SGCZ: variants seen among roughly 807,000 people sequenced by gnomAD.
SGCZ encodes sarcoglycan zeta.
A neutral mutation model predicts 41.3 loss-of-function variants in SGCZ; 40 were observed. That is an observed-to-expected ratio of 0.97 (90% CI 0.75 to 1.26). The LOEUF (loss-of-function observed/expected upper bound fraction) is 1.26, where lower values mean the gene tolerates loss of function less well. Ranked by LOEUF, SGCZ falls within the 50% of genes most tolerant of loss-of-function variation. The probability of loss-of-function intolerance (pLI) is 0.00; values close to 1 mark genes in which losing one functional copy is unlikely to be tolerated. For synonymous variants in SGCZ, 206 were observed against 137.5 expected (o/e 1.50, Z -3.49); for missense variants, 552 against 369.8 (o/e 1.49, Z -4.04).
At chr8:14,822,210 A>T (rs1327783067) in intron 1 of SGCZ, among the ~76,000 whole-genome samples, 1 of 152,166 alleles carries the variant, frequency 6.6e-6, no homozygotes, top group African/African-American at 2.4e-5. Flanking sequence ...GCCTATGAAG[A>T]AGAAATCAAC....
chr8:14,103,537 G>T lies in SGCZ; in HGVS notation c.621-1038C>A, dbSNP rs144181529. 6.1e-3 allele frequency among the ~76,000 whole-genome samples: 935 copies of T among 152,252 alleles called. 10 individuals carry two copies. Among genetic ancestry groups the T allele is most frequent in the African/African-American group, 0.021 (858 of 41,564 alleles). On this transcript the variant is annotated intron_variant, in intron 6 of 7. Transcript: ENST00000382080. ...TTTGCAGAAAGAACCACCTCAAATG[G>T]TTAGGTCTCTGGAGTTCAGCTCCCT...
chr8:15,169,812 A>G (rs571077243), intron 1 of SGCZ, among the ~76,000 whole-genome samples: 1 of 152,180 alleles, frequency 6.6e-6, no homozygotes, highest in South Asian at 2.1e-4. Flanking sequence ...AATACCACAA[A>G]CTAGGGGCTT....
intron 5 of SGCZ, among the ~76,000 whole-genome samples, chr8:14,115,795 T>C (rs1290794263): frequency 1.3e-5 from 2 of 151,466 alleles, no homozygotes; most frequent in Admixed American, 6.6e-5. Flanking sequence ...GAGGTTTCTT[T>C]GGGGGGTGGG....
intron 2 of SGCZ, among the ~76,000 whole-genome samples, chr8:14,422,823 C>A (rs959436717): frequency 1.3e-5 from 2 of 152,170 alleles, no homozygotes; most frequent in African/African-American, 4.8e-5. Flanking sequence ...GCTCAGAAAT[C>A]TGAGACCAGC....
chr8:14,687,451 T>A (rs1808650472), intron 1 of SGCZ, among the ~76,000 whole-genome samples: 2 of 151,616 alleles, frequency 1.3e-5, no homozygotes, highest in South Asian at 4.2e-4. Context: ...GGTGTTTGGT[T>A]TTTTGTCCTT....
intron 1 of SGCZ, among the ~76,000 whole-genome samples, chr8:14,605,110 G>C (rs1805707483): frequency 6.6e-6 from 1 of 152,124 alleles, no homozygotes; most frequent in Non-Finnish European, 1.5e-5. Flanking sequence ...CCGTTAATTT[G>C]TTAAAAGGGT....
At chr8:14,181,798 A>C (rs563942053) in intron 4 of SGCZ, among the ~76,000 whole-genome samples, 1 of 152,308 alleles carries the variant, frequency 6.6e-6, no homozygotes, top group Non-Finnish European at 1.5e-5. Context: ...TCAGTTAAAC[A>C]TCTTCCCTTT....
At chr8:14,300,349 G>A (rs538428057) in intron 3 of SGCZ, among the ~76,000 whole-genome samples, 325 of 151,598 alleles carry the variant, frequency 2.1e-3, no homozygotes, top group African/African-American at 7.1e-3. Flanking sequence ...GGAAGAAAGC[G>A]GGGAGAAAGG....
At chr8:14,439,973 T>C (rs928008098) in intron 2 of SGCZ, among the ~76,000 whole-genome samples, 1 of 151,914 alleles carries the variant, frequency 6.6e-6, no homozygotes, top group Non-Finnish European at 1.5e-5. Flanking sequence ...TGAGATTACA[T>C]ATTAGGGACA....
At chr8:14,831,241 T>C (rs1399835338) in intron 1 of SGCZ, among the ~76,000 whole-genome samples, 1 of 152,202 alleles carries the variant, frequency 6.6e-6, no homozygotes, top group South Asian at 2.1e-4. Context: ...AAAATACTCA[T>C]GGTGTTTCAG....
intron 1 of SGCZ, among the ~76,000 whole-genome samples, chr8:15,134,665 G>C (rs75179385): frequency 6.6e-6 from 1 of 152,054 alleles, no homozygotes; most frequent in Admixed American, 6.6e-5. Flanking sequence ...TATGCAAGAC[G>C]AGTCACCAAA....
At chr8:14,929,430 C>T (rs982559391) in intron 1 of SGCZ, among the ~76,000 whole-genome samples, 1 of 151,868 alleles carries the variant, frequency 6.6e-6, no homozygotes, top group Non-Finnish European at 1.5e-5. Context: ...TACTCTCACC[C>T]AGATATGTTG....
intron 1 of SGCZ, among the ~76,000 whole-genome samples, chr8:15,032,698 C>A (rs1208124817): frequency 6.6e-6 from 1 of 152,148 alleles, no homozygotes; most frequent in Non-Finnish European, 1.5e-5. Context: ...CCCAGAGATT[C>A]AGATGCCTGG....
chr8:14,387,648 G>A (rs1360175825), intron 2 of SGCZ, among the ~76,000 whole-genome samples: 3 of 151,708 alleles, frequency 2.0e-5, no homozygotes, highest in Non-Finnish European at 4.4e-5. Context: ...ATTTTTGGAT[G>A]GCACTTTAAA....
chr8:14,910,653 A>C, intron 1 of SGCZ, among the ~76,000 whole-genome samples: 1 of 152,090 alleles, frequency 6.6e-6, no homozygotes, highest in East Asian at 1.9e-4. Flanking sequence ...AACAGAAAAC[A>C]TCGGTAAAGT....
At chr8:14,380,941 C>A (rs191479604) in intron 2 of SGCZ, among the ~76,000 whole-genome samples, 68 of 152,248 alleles carry the variant, frequency 4.5e-4, no homozygotes, top group Non-Finnish European at 8.5e-4. Context: ...TTCCAATATC[C>A]TGAGATAACC....
chr8:15,153,652 G>T (rs1799243673), intron 1 of SGCZ, among the ~76,000 whole-genome samples: 1 of 151,996 alleles, frequency 6.6e-6, no homozygotes, highest in Non-Finnish European at 1.5e-5. Flanking sequence ...AAAAGGCTAT[G>T]GCACTTTCCC....
Position 15,117,670 on chromosome 8 carries a change from A to G in SGCZ, c.39+119915T>C, listed in dbSNP as rs1044798534. Among the ~76,000 whole-genome samples, 6 of 152,340 alleles carry G rather than the reference A, an allele frequency of 3.9e-5. No homozygotes were observed. In the East Asian group the frequency reaches 1.2e-3, roughly 29 times the overall value. The stretch of plus-strand genomic sequence containing the variant: ...GATATTTGTAAGCAACTTATATGCT[A>G]CCAAATGCTACACAAAATTTAAATT... On this transcript the variant is annotated intron_variant, in intron 1 of 7. Coordinates refer to ENST00000382080, the MANE Select transcript of SGCZ (RefSeq NM_139167.4).
chr8:14,573,774 G>T (rs1437944703), intron 1 of SGCZ, among the ~76,000 whole-genome samples: 1 of 152,128 alleles, frequency 6.6e-6, no homozygotes, highest in Non-Finnish European at 1.5e-5. Context: ...AGTAGTATGT[G>T]AATATGGGGA....
Sources: allele counts gnomAD v4.1 joint callset (sites outside exome capture counted in the v4.1 genomes callset), GRCh38; gene constraint gnomAD v4.1.1; transcripts MANE v1.5; gene names NCBI Gene and HGNC (gene_info 2026-07-23, HGNC 2026-07-21).